SAMD12: variants seen among roughly 807,000 people sequenced by gnomAD.
The protein encoded by SAMD12 is sterile alpha motif domain containing 12.
Under a neutral mutation model 15.0 loss-of-function variants are expected in SAMD12, and 9 were observed. That is an observed-to-expected ratio of 0.60 (90% CI 0.36 to 1.05). The LOEUF is 1.05. Ranked by LOEUF, SAMD12 falls within the 50% of genes least tolerant of loss-of-function variation. The pLI, the probability that SAMD12 is intolerant of heterozygous loss-of-function variation, is 0.01. For missense variants in SAMD12, 230 were observed against 234.2 expected, an observed-to-expected ratio of 0.98 and a Z score of 0.12; for synonymous variants, 86 against 90.1, an observed-to-expected ratio of 0.96 and a Z score of 0.25.
In SAMD12 at chr8:118,379,094, C is replaced by T; in HGVS notation, c.*323G>A. The T allele has an allele frequency of 9.4e-7, 1 of 1,063,740 alleles. No individual in the cohort carries two copies. The highest frequency in any genetic ancestry group is 6.3e-5 in the East Asian group (1 of 15,808). 65.9% of individuals were successfully genotyped at this position (1,063,740 alleles called of 1,614,324 possible). The stretch of plus-strand genomic sequence containing the variant: ...ACCGGTGAAAAGCAAAACAAAAATA[C>T]AACAAAAACTCCACTTATATCACTG... On this transcript the variant is annotated 3_prime_UTR_variant, in exon 4 of 4. Coordinates refer to ENST00000314727, the MANE Select transcript of SAMD12 (RefSeq NM_207506.3).
intron 2 of SAMD12, among the ~76,000 whole-genome samples, chr8:118,564,193 A>ACCCCCCC (rs750526697): frequency 7.9e-6 from 1 of 125,864 alleles, no homozygotes; most frequent in Admixed American, 9.1e-5. Context: ...TCCCCCCCTC[A>ACCCCCCC]CCCCCCGCCA....
intron 4 of SAMD12, among the ~76,000 whole-genome samples, chr8:118,346,223 A>T (rs1415196389): frequency 6.6e-6 from 1 of 152,190 alleles, no homozygotes; most frequent in Non-Finnish European, 1.5e-5. Context: ...TTTCATACAC[A>T]TGGTAATATA....
intron 2 of SAMD12, among the ~76,000 whole-genome samples, chr8:118,559,557 T>C (rs1444028305): frequency 6.6e-6 from 1 of 152,220 alleles, no homozygotes; most frequent in Non-Finnish European, 1.5e-5. Flanking sequence ...TTCTTGAACT[T>C]GTAGTGGGAG....
intron 2 of SAMD12, among the ~76,000 whole-genome samples, chr8:118,497,922 C>T (rs1824673336): frequency 1.3e-5 from 2 of 151,520 alleles, no homozygotes; most frequent in Admixed American, 1.3e-4. Flanking sequence ...TCAGAGGAGA[C>T]ATCAATTAAA....
chr8:118,538,308 C>A (rs1825903397), intron 2 of SAMD12, among the ~76,000 whole-genome samples: 1 of 152,104 alleles, frequency 6.6e-6, no homozygotes, highest in Admixed American at 6.5e-5. Flanking sequence ...GGCTACAAGC[C>A]CAGCACAGCC....
At chr8:118,446,784 C>G (rs538801074) in intron 2 of SAMD12, among the ~76,000 whole-genome samples, 2 of 152,222 alleles carry the variant, frequency 1.3e-5, no homozygotes, top group African/African-American at 4.8e-5. Context: ...TTTCACATGT[C>G]GTATCAGGGC....
At chr8:118,617,808 G>C (rs2131327430) in intron 1 of SAMD12, among the ~76,000 whole-genome samples, 1 of 152,244 alleles carries the variant, frequency 6.6e-6, no homozygotes, top group Non-Finnish European at 1.5e-5. Context: ...GGAATACAGA[G>C]ATGAATACAA....
At chr8:118,321,728 C>T (rs767564108) in intron 4 of SAMD12, among the ~76,000 whole-genome samples, 5 of 152,086 alleles carry the variant, frequency 3.3e-5, no homozygotes, top group Non-Finnish European at 7.4e-5. Flanking sequence ...AGCTACACTC[C>T]TTGGGTTTAA....
downstream of SAMD12, among the ~76,000 whole-genome samples, chr8:118,376,465 G>T (rs1819393404): frequency 2.0e-5 from 3 of 152,118 alleles, no homozygotes; most frequent in South Asian, 6.2e-4. Flanking sequence ...AAGGTCATCT[G>T]TGAGGAAGTG....
chr8:118,497,363 T>G (rs900275883), intron 2 of SAMD12, among the ~76,000 whole-genome samples: 1 of 152,202 alleles, frequency 6.6e-6, no homozygotes, highest in African/African-American at 2.4e-5. Context: ...ATGTGGTACA[T>G]ACACATCATA....
chr8:118,218,454 C>G (rs1002192054), intron 4 of SAMD12, among the ~76,000 whole-genome samples: 3 of 152,064 alleles, frequency 2.0e-5, no homozygotes, highest in African/African-American at 7.2e-5. Flanking sequence ...ACTATAATCA[C>G]CATGCTGTGC....
Position 118,583,982 on chromosome 8 carries a change from T to C in SAMD12, c.14-3089A>G, listed in dbSNP as rs74997111. Among the ~76,000 whole-genome samples the C allele has an allele frequency of 8.4e-3, 1,285 of 152,314 alleles. 19 individuals are homozygous for C. The highest frequency in any genetic ancestry group is 0.029 in the African/African-American group (1,210 of 41,578). On this transcript the variant is annotated intron_variant, in intron 1 of 3. Coordinates refer to ENST00000314727, the MANE Select transcript of SAMD12 (RefSeq NM_207506.3). The stretch of plus-strand genomic sequence containing the variant: ...TAAGAGACATTAAGGAAACACTTGT[T>C]CAGCTGCAGAATGAACCAGCAATTC...
chr8:118,326,933 C>T (rs952483035), intron 4 of SAMD12, among the ~76,000 whole-genome samples: 2 of 152,202 alleles, frequency 1.3e-5, no homozygotes, highest in Non-Finnish European at 2.9e-5. Context: ...ATCCCATTTA[C>T]AGTGAAGCAA....
At chr8:118,552,929 C>G (rs1397822662) in intron 2 of SAMD12, among the ~76,000 whole-genome samples, 2 of 151,878 alleles carry the variant, frequency 1.3e-5, no homozygotes, top group African/African-American at 4.8e-5. Context: ...CTCCCATTCA[C>G]AATTGCTTCA....
intron 2 of SAMD12, among the ~76,000 whole-genome samples, chr8:118,468,884 G>A (rs749047779): frequency 6.6e-6 from 1 of 152,194 alleles, no homozygotes; most frequent in Non-Finnish European, 1.5e-5. Flanking sequence ...GATGACTAAC[G>A]AGATGCAAAG....
intron 2 of SAMD12, among the ~76,000 whole-genome samples, chr8:118,498,792 C>T (rs188548998): frequency 1.8e-4 from 27 of 152,252 alleles, no homozygotes; most frequent in East Asian, 1.7e-3. Context: ...CAACAAATAC[C>T]TACATGGCAC....
intron 3 of SAMD12, among the ~76,000 whole-genome samples, chr8:118,422,123 G>A (rs1217822192): frequency 6.6e-6 from 1 of 152,150 alleles, no homozygotes; most frequent in East Asian, 1.9e-4. Context: ...AATGAAGAAA[G>A]GCTTTTAGTT....
chr8:118,450,153 G>C (rs968345796), intron 2 of SAMD12, among the ~76,000 whole-genome samples: 10 of 152,176 alleles, frequency 6.6e-5, no homozygotes, highest in Admixed American at 1.3e-4. Flanking sequence ...GCTCTGAAGC[G>C]GATGCTTGTA....
the SAMD12 span, among the ~76,000 whole-genome samples, chr8:118,158,050 G>A: frequency 3.3e-5 from 5 of 152,152 alleles, no homozygotes; most frequent in Non-Finnish European, 5.9e-5. Context: ...GAGAGTCCAG[G>A]GAGGCCAAGC....
Sources: allele counts gnomAD v4.1 joint callset (sites outside exome capture counted in the v4.1 genomes callset), GRCh38; gene constraint gnomAD v4.1.1; transcripts MANE v1.5; gene names NCBI Gene and HGNC (gene_info 2026-07-23, HGNC 2026-07-21).